Variants in NBAS observed in about 807,000 individuals in gnomAD.
The protein encoded by NBAS is NBAS subunit of NRZ tethering complex, also known as NAG/BC035112 fusion.
In NBAS, 219 loss-of-function variants were observed where a neutral mutation model predicts 302.5. The ratio of observed to expected loss-of-function variants is 0.72; its 90% CI spans 0.65 to 0.81. NBAS has a LOEUF of 0.81. Ranked by LOEUF, NBAS falls within the 30% of genes least tolerant of loss-of-function variation. The pLI is 0.00. For synonymous variants in NBAS, 1,118 were observed against 1,021.6 expected (o/e 1.09, Z -1.80); for missense variants, 2,932 against 2,841.6 (o/e 1.03, Z -0.72).
At chr2:15,252,700 T>C (rs573234933) in intron 44 of NBAS, among the ~76,000 whole-genome samples, 1 of 152,142 alleles carries the variant, frequency 6.6e-6, no homozygotes, top group Non-Finnish European at 1.5e-5. Context: ...GTCCTCTCTT[T>C]ATAGGTTTCC....
intron 9 of NBAS, among the ~76,000 whole-genome samples, chr2:15,521,688 AC>A (rs1470728149): frequency 6.6e-6 from 1 of 152,224 alleles, no homozygotes; most frequent in Non-Finnish European, 1.5e-5. Context: ...CAGTTCTAAG[AC>A]AGGGTGTTTG....
intron 23 of NBAS, among the ~76,000 whole-genome samples, chr2:15,421,652 A>G (rs556716815): frequency 6.6e-6 from 1 of 152,254 alleles, no homozygotes; most frequent in South Asian, 2.1e-4. Context: ...TTTAAAATAA[A>G]TGAAAGAATG....
chr2:14,825,141 C>T, the NBAS span, among the ~76,000 whole-genome samples: 1 of 152,160 alleles, frequency 6.6e-6, no homozygotes, highest in Non-Finnish European at 1.5e-5. Context: ...CCTAACTCAT[C>T]TTTGCTGATT....
the NBAS span, among the ~76,000 whole-genome samples, chr2:15,098,187 T>C: frequency 7.5e-5 from 1 of 13,254 alleles, no homozygotes; most frequent in South Asian, 6.3e-3. Context: ...ATATTGTATA[T>C]AATATATTAT....
At chr2:14,814,533 C>G in the NBAS span, among the ~76,000 whole-genome samples, 1 of 152,308 alleles carries the variant, frequency 6.6e-6, no homozygotes, top group South Asian at 2.1e-4. Context: ...TCTGTGGTCC[C>G]TTTGTTTTGG....
chr2:15,020,554 G>C, the NBAS span, among the ~76,000 whole-genome samples: 2 of 152,132 alleles, frequency 1.3e-5, no homozygotes, highest in Non-Finnish European at 2.9e-5. Context: ...GGAGAGATTG[G>C]CCCTGAAGAC....
At chr2:15,405,124 T>C (rs1676347823) in intron 25 of NBAS, among the ~76,000 whole-genome samples, 1 of 152,204 alleles carries the variant, frequency 6.6e-6, no homozygotes, top group Non-Finnish European at 1.5e-5. Context: ...GTCTAAAACC[T>C]ACCCAATAAT....
intron 33 of NBAS, 139 bp downstream of exon 33, chr2:15,356,164 A>G (rs1673607720): frequency 2.8e-6 from 2 of 720,268 alleles, no homozygotes; most frequent in Non-Finnish European, 5.1e-6. Flanking sequence ...CTATATACTT[A>G]CCAGTGCTCA....
At chr2:14,865,636 ATTG>A in the NBAS span, among the ~76,000 whole-genome samples, 1 of 152,186 alleles carries the variant, frequency 6.6e-6, no homozygotes, top group Admixed American at 6.5e-5. Context: ...TTAATCTAAT[ATTG>A]TTTTGTTTTG....
chr2:14,848,621 G>T, the NBAS span, among the ~76,000 whole-genome samples: 1 of 139,992 alleles, frequency 7.1e-6, no homozygotes, highest in Non-Finnish European at 1.5e-5. Flanking sequence ...ACCTCTGGGG[G>T]CAGGGCACAG....
At chr2:15,096,842 C>T in the NBAS span, among the ~76,000 whole-genome samples, 794 of 152,228 alleles carry the variant, frequency 5.2e-3, 19 homozygotes, top group East Asian at 0.044. Context: ...TGCTAATGTC[C>T]CAGCACAGTG....
intron 8 of NBAS, among the ~76,000 whole-genome samples, chr2:15,535,575 A>G (rs967973220): frequency 6.7e-6 from 1 of 149,358 alleles, no homozygotes; most frequent in African/African-American, 2.5e-5. Context: ...AAAATAAAAA[A>G]ATAAAATAAA....
chr2:15,433,660 C>A (rs1323696834), intron 21 of NBAS, among the ~76,000 whole-genome samples: 1 of 152,190 alleles, frequency 6.6e-6, no homozygotes, highest in Non-Finnish European at 1.5e-5. Context: ...AAGGCATTGT[C>A]TCTGTCCCAA....
At chr2:14,860,625 C>T in the NBAS span, among the ~76,000 whole-genome samples, 2 of 151,936 alleles carry the variant, frequency 1.3e-5, no homozygotes, top group Non-Finnish European at 2.9e-5. Flanking sequence ...ATGGGAGCTA[C>T]AAAAGTGAAT....
intron 35 of NBAS, 94 bp from the exon 36 acceptor site, chr2:15,330,859 T>C: frequency 7.4e-7 from 1 of 1,353,282 alleles, no homozygotes; most frequent in Non-Finnish European, 1.0e-6. Flanking sequence ...TGATCAGATA[T>C]TAAACTTGAA....
At chr2:15,134,333 G>A in the NBAS span, among the ~76,000 whole-genome samples, 4 of 152,248 alleles carry the variant, frequency 2.6e-5, no homozygotes, top group East Asian at 5.8e-4. Context: ...GCACACAAAC[G>A]TGCTGGCAGC....
intron 42 of NBAS, among the ~76,000 whole-genome samples, chr2:15,279,504 A>T (rs1006927741): frequency 6.6e-6 from 1 of 152,350 alleles, no homozygotes; most frequent in South Asian, 2.1e-4. Context: ...TAACACCTTG[A>T]TAAACAAAGT....
chr2:15,054,050 A>C, the NBAS span, among the ~76,000 whole-genome samples: 49,102 of 151,878 alleles, frequency 0.32, 8,375 homozygotes, highest in African/African-American at 0.43. Context: ...TTTGTCATGG[A>C]GGTCAACAAT....
chr2:15,477,083 A>C (rs1033834170), intron 13 of NBAS, among the ~76,000 whole-genome samples: 29 of 152,332 alleles, frequency 1.9e-4, no homozygotes, highest in African/African-American at 7.0e-4. Context: ...GTAAAGTAGA[A>C]AGAAAGAGGA....
Sources: gnomAD v4.1 joint callset for allele counts (sites outside exome capture counted in the v4.1 genomes callset) on GRCh38, gnomAD v4.1.1 for gene constraint, MANE v1.5 for transcripts, NCBI Gene and HGNC (gene_info 2026-07-23, HGNC 2026-07-21) for gene names.